FGF1: variants seen among roughly 807,000 people sequenced by gnomAD.
The protein encoded by FGF1 is fibroblast growth factor 1, also known as beta-endothelial cell growth factor.
FGF1 carries 9 observed loss-of-function variants against 13.4 expected under a neutral mutation model. The ratio of observed to expected loss-of-function variants is 0.67; its 90% CI spans 0.40 to 1.17. The LOEUF is 1.17. FGF1 is among the 50% of genes most tolerant of loss of function. The pLI, the probability that FGF1 is intolerant of heterozygous loss-of-function variation, is 0.01. For missense variants in FGF1, 156 were observed against 192.7 expected (o/e 0.81, Z 1.13); for synonymous variants, 93 against 79.0 (o/e 1.18, Z -0.94).
chr5:142,645,223 C>T (rs146081622), intron 1 of FGF1, among the ~76,000 whole-genome samples: 3 of 152,286 alleles, frequency 2.0e-5, no homozygotes, highest in East Asian at 3.9e-4. Context: ...TGAGTATTCC[C>T]TGATGGCGGA....
chr5:142,641,570 G>A (rs1765203651), intron 1 of FGF1, among the ~76,000 whole-genome samples: 1 of 151,922 alleles, frequency 6.6e-6, no homozygotes, highest in Non-Finnish European at 1.5e-5. Context: ...TGCCACAGAT[G>A]GTCATTGTAA....
chr5:142,613,487 A>G (rs1222618339), intron 2 of FGF1, among the ~76,000 whole-genome samples: 1 of 152,280 alleles, frequency 6.6e-6, no homozygotes, highest in Non-Finnish European at 1.5e-5. Context: ...TAAGACTACG[A>G]TTATGAACTG....
At chr5:142,668,081 G>T (rs992141368) in intron 1 of FGF1, among the ~76,000 whole-genome samples, 1 of 152,232 alleles carries the variant, frequency 6.6e-6, no homozygotes, top group Non-Finnish European at 1.5e-5. Context: ...TTTAAGAAAA[G>T]GGACAGGTTC....
chr5:142,601,195 C>T, intron 2 of FGF1: 1 of 479,284 alleles, frequency 2.1e-6, no homozygotes, highest in Admixed American at 2.2e-5. Context: ...CTTGGGATGC[C>T]ATAGAGTAGG....
intron 2 of FGF1, among the ~76,000 whole-genome samples, chr5:142,693,686 C>G (rs2152072286): frequency 6.6e-6 from 1 of 152,216 alleles, no homozygotes; most frequent in East Asian, 1.9e-4. Context: ...CAGTTCATTC[C>G]CCATTCCTCC....
At chr5:142,687,424 C>T (rs575306978), upstream of FGF1, among the ~76,000 whole-genome samples, 1 of 152,292 alleles carries the variant, frequency 6.6e-6, no homozygotes, top group South Asian at 2.1e-4. Flanking sequence ...ACTCCAATCA[C>T]GGATAAGCAG....
intron 1 of FGF1, among the ~76,000 whole-genome samples, chr5:142,635,136 T>C (rs545149260): frequency 1.3e-5 from 2 of 152,280 alleles, no homozygotes; most frequent in Non-Finnish European, 2.9e-5. Flanking sequence ...GAGACCTGGC[T>C]CCCCCTGTGG....
intron 1 of FGF1, among the ~76,000 whole-genome samples, chr5:142,663,847 G>A (rs1424284001): frequency 6.6e-6 from 1 of 152,214 alleles, no homozygotes; most frequent in Non-Finnish European, 1.5e-5. Flanking sequence ...GGCAGGGTGA[G>A]GCTGAAGAGT....
intron 1 of FGF1, among the ~76,000 whole-genome samples, chr5:142,638,100 T>G (rs1306085033): frequency 6.6e-6 from 1 of 152,050 alleles, no homozygotes; most frequent in African/African-American, 2.4e-5. Flanking sequence ...TCCAGTCATT[T>G]CCTGAGGACA....
rs1772112744 is a variant in FGF1 at position 142,674,491 on chromosome 5, G to A, written c.-35+11466C>T. ...TAGGTGGTATCCCTGCTCAACCCTA[G>A]TGTTACTGTGCAAGTTAAAAATAAA... On this transcript the variant is annotated intron_variant, in intron 1 of 3. Coordinates refer to ENST00000337706, the MANE Select transcript of FGF1 (RefSeq NM_000800.5). Among the ~76,000 whole-genome samples, 3 of 152,168 alleles carry A rather than the reference G, an allele frequency of 2.0e-5. No homozygotes were observed. The South Asian group carries it at 6.2e-4, about 32-fold the overall frequency.
intron 1 of FGF1, among the ~76,000 whole-genome samples, chr5:142,618,113 C>A (rs999744885): frequency 2.6e-5 from 4 of 152,168 alleles, no homozygotes; most frequent in African/African-American, 9.7e-5. Context: ...TCAAGCCCAG[C>A]GAACTCCGTG....
At chr5:142,651,097 C>T (rs1333623160) in intron 1 of FGF1, among the ~76,000 whole-genome samples, 1 of 152,040 alleles carries the variant, frequency 6.6e-6, no homozygotes, top group African/African-American at 2.4e-5. Context: ...AAGGCGGCTG[C>T]GAGGGCTGGG....
chr5:142,652,327 C>G lies in FGF1; in HGVS notation c.-35+33630G>C, dbSNP rs569982547. ...TAAGGTCGTAGTTCTTCTCTAATGG[C>G]TGAGGATGAAGAAACACAAGAGGCG... On this transcript the variant is annotated intron_variant, in intron 1 of 3. Coordinates refer to ENST00000337706, the MANE Select transcript of FGF1 (RefSeq NM_000800.5). Among the ~76,000 whole-genome samples, 9 of 152,292 alleles carry G rather than the reference C, an allele frequency of 5.9e-5. No homozygotes were observed. In the East Asian group the frequency reaches 1.7e-3, roughly 29 times the overall value.
intron 2 of FGF1, among the ~76,000 whole-genome samples, chr5:142,692,390 T>C (rs531233775): frequency 2.0e-5 from 3 of 152,146 alleles, no homozygotes; most frequent in South Asian, 2.1e-4. Context: ...AGAGGAACCA[T>C]TGAGAGACTT....
In FGF1 at chr5:142,615,518, G is replaced by A. The variant is rs190878099; in HGVS notation, c.-34-1357C>T. 1.8e-4 allele frequency among the ~76,000 whole-genome samples: 27 copies of A among 152,308 alleles called. No homozygotes were observed. In the East Asian group the frequency reaches 4.4e-3, roughly 25 times the overall value. On this transcript the variant is annotated intron_variant, in intron 1 of 3. Coordinates refer to ENST00000337706, the MANE Select transcript of FGF1 (RefSeq NM_000800.5). ...ATTACAGGCGTAAGCCACCGCGCCC[G>A]GCCTGGGAGCTGTACTTTGTAAGTG...
chr5:142,678,162 C>T (rs1357249844), intron 1 of FGF1, among the ~76,000 whole-genome samples: 1 of 152,108 alleles, frequency 6.6e-6, no homozygotes, highest in African/African-American at 2.4e-5. Flanking sequence ...TCTTACCCCC[C>T]AAGAGGCCTC....
intron 1 of FGF1, among the ~76,000 whole-genome samples, chr5:142,657,254 C>T (rs1213988352): frequency 2.6e-5 from 4 of 152,182 alleles, no homozygotes; most frequent in Non-Finnish European, 5.9e-5. Context: ...GAAAAAACAA[C>T]AACTTTTCAA....
upstream of FGF1, among the ~76,000 whole-genome samples, chr5:142,689,599 G>A (rs1446184432): frequency 6.6e-6 from 1 of 151,928 alleles, no homozygotes; most frequent in Non-Finnish European, 1.5e-5. Flanking sequence ...TTCAGGGGAG[G>A]ATGCTTGGGA....
In FGF1 at chr5:142,594,626, G is replaced by C. The variant is rs1056590061; in HGVS notation, c.*664C>G. On this transcript the variant is annotated 3_prime_UTR_variant, in exon 4 of 4. Transcript: ENST00000337706. ...CTCTGCTGCTGAGTAACCTTGGGAAGGTCAAGGCGTGGTAATGACTCCCAA... is the reference window on the plus strand; with the variant it reads ...CTCTGCTGCTGAGTAACCTTGGGAACGTCAAGGCGTGGTAATGACTCCCAA... The C allele has an allele frequency of 6.6e-6, 1 of 152,260 alleles. No homozygotes were observed. Among genetic ancestry groups the C allele is most frequent in the African/African-American group, 2.4e-5 (1 of 41,452 alleles). 9.4% of individuals were successfully genotyped at this position (152,260 alleles called of 1,614,324 possible).
Sources: allele counts gnomAD v4.1 joint callset (sites outside exome capture counted in the v4.1 genomes callset), GRCh38; gene constraint gnomAD v4.1.1; transcripts MANE v1.5; gene names NCBI Gene and HGNC (gene_info 2026-07-23, HGNC 2026-07-21).